SCAMP1: variants seen among roughly 807,000 people sequenced by gnomAD.
SCAMP1 encodes secretory carrier-associated membrane protein 1.
SCAMP1 carries 15 observed loss-of-function variants against 41.8 expected under a neutral mutation model. That is an observed-to-expected ratio of 0.36 (90% CI 0.24 to 0.55). SCAMP1 has a LOEUF of 0.55. SCAMP1 is among the 20% of genes least tolerant of loss of function. The pLI, the probability that SCAMP1 is intolerant of heterozygous loss-of-function variation, is 0.86. For synonymous variants in SCAMP1, 135 were observed against 136.8 expected (o/e 0.99, Z 0.09); for missense variants, 341 against 412.6 (o/e 0.83, Z 1.50).
At chr5:78,454,405 T>G (rs561462102) in intron 7 of SCAMP1, among the ~76,000 whole-genome samples, 6 of 152,252 alleles carry the variant, frequency 3.9e-5, no homozygotes, top group African/African-American at 1.4e-4. Context: ...GTTGTTGAAT[T>G]TTGTCAAAGG....
intron 6 of SCAMP1, among the ~76,000 whole-genome samples, chr5:78,442,676 G>T (rs1752955686): frequency 6.6e-6 from 1 of 152,160 alleles, no homozygotes; most frequent in African/African-American, 2.4e-5. Flanking sequence ...TTGTTCAAAG[G>T]TAATTTGAAA....
intron 2 of SCAMP1, among the ~76,000 whole-genome samples, chr5:78,404,485 A>G (rs1344900921): frequency 6.3e-5 from 7 of 110,804 alleles, no homozygotes; most frequent in African/African-American, 3.3e-4. Flanking sequence ...CTAGGCTGAC[A>G]TGATGTACTG....
At chr5:78,424,711 T>A (rs1172823541) in intron 6 of SCAMP1, among the ~76,000 whole-genome samples, 2 of 151,912 alleles carry the variant, frequency 1.3e-5, no homozygotes, top group African/African-American at 4.8e-5. Flanking sequence ...CAGAGTGAGA[T>A]CCTGCCTCAA....
intron 1 of SCAMP1, among the ~76,000 whole-genome samples, chr5:78,383,183 GATA>G (rs1305701701): frequency 6.6e-6 from 1 of 152,126 alleles, no homozygotes. Flanking sequence ...GCATTTCCCT[GATA>G]ATGAGTGATG....
At chr5:78,391,651 C>T (rs1444562656) in intron 2 of SCAMP1, among the ~76,000 whole-genome samples, 1 of 152,182 alleles carries the variant, frequency 6.6e-6, no homozygotes, top group Non-Finnish European at 1.5e-5. Context: ...GAGGCCAAGG[C>T]AGGCGGCTGG....
chr5:78,384,112 A>G (rs1366720640), intron 1 of SCAMP1, among the ~76,000 whole-genome samples: 1 of 148,750 alleles, frequency 6.7e-6, no homozygotes, highest in Admixed American at 6.7e-5. Context: ...TTCTTTCAGC[A>G]GTGTTCTGTA....
At chr5:78,396,927 G>C (rs1264834423) in intron 2 of SCAMP1, among the ~76,000 whole-genome samples, 1 of 152,152 alleles carries the variant, frequency 6.6e-6, no homozygotes, top group Non-Finnish European at 1.5e-5. Flanking sequence ...TTGAGTGTTG[G>C]GAGCAAATGC....
chr5:78,468,969 C>G (rs1176504915), intron 8 of SCAMP1, among the ~76,000 whole-genome samples: 2 of 152,134 alleles, frequency 1.3e-5, no homozygotes, highest in African/African-American at 4.8e-5. Flanking sequence ...TATGCATACT[C>G]AAGTCTTGGA....
chr5:78,362,752 GT>G (rs1253020934), intron 1 of SCAMP1, among the ~76,000 whole-genome samples: 2 of 151,880 alleles, frequency 1.3e-5, no homozygotes, highest in Non-Finnish European at 2.9e-5. Context: ...ACAAAGTATA[GT>G]TTTATATCTA....
At chr5:78,404,758 G>A (rs1299850299) in intron 2 of SCAMP1, among the ~76,000 whole-genome samples, 2 of 152,144 alleles carry the variant, frequency 1.3e-5, no homozygotes, top group Non-Finnish European at 2.9e-5. Flanking sequence ...CTGAGGGGAG[G>A]CCTTGTTAAG....
chr5:78,477,652 T>A lies in SCAMP1; in HGVS notation c.*1984T>A, dbSNP rs752697244. 6.6e-5 allele frequency: 10 copies of A among 152,178 alleles called. No individual in the cohort carries two copies. Among genetic ancestry groups the A allele is most frequent in the Non-Finnish European group, 1.5e-4 (10 of 67,980 alleles). 9.4% of individuals were successfully genotyped at this position (152,178 alleles called of 1,614,324 possible). A position where few individuals can be genotyped will look rare whatever the true frequency, so the allele number is the denominator to read the frequency against. On this transcript the variant is annotated 3_prime_UTR_variant, in exon 9 of 9. Coordinates refer to ENST00000621999, the MANE Select transcript of SCAMP1 (RefSeq NM_004866.6). ...TTGGAATGTTTATATTATGTAGAAA[T>A]CTTCAAAGGTAGCATTATTAAATAG...
chr5:78,360,962 T>G, intron 1 of SCAMP1: 1 of 519,850 alleles, frequency 1.9e-6, no homozygotes, highest in African/African-American at 2.0e-5. Context: ...CTTCCACACG[T>G]CCCCGACTGG....
At chr5:78,366,153 T>C (rs1331757179) in intron 1 of SCAMP1, among the ~76,000 whole-genome samples, 1 of 150,144 alleles carries the variant, frequency 6.7e-6, no homozygotes, top group East Asian at 1.9e-4. Context: ...TCTTTTCTTT[T>C]TTTTTTTTGA....
Position 78,449,082 on chromosome 5 carries a change from A to T in SCAMP1, c.633-851A>T, listed in dbSNP as rs1418472299. On this transcript the variant is annotated intron_variant, in intron 6 of 8. Coordinates refer to ENST00000621999, the MANE Select transcript of SCAMP1 (RefSeq NM_004866.6). ...GGCAGTTTCTTAAAAAGTTAAACGT[A>T]TACCTATGATATGTTCCAGCCTTCC... 2.6e-5 allele frequency among the ~76,000 whole-genome samples: 4 copies of T among 152,070 alleles called. No individual in the cohort carries two copies. The East Asian group carries it at 7.7e-4, about 29-fold the overall frequency.
chr5:78,449,720 C>T (rs1023132160), intron 6 of SCAMP1, among the ~76,000 whole-genome samples: 1 of 151,962 alleles, frequency 6.6e-6, no homozygotes, highest in Admixed American at 6.6e-5. Context: ...GTTAGAATAA[C>T]GATATCTAGT....
intron 8 of SCAMP1, among the ~76,000 whole-genome samples, chr5:78,469,910 AAACAAAAAAAAAAAAAAAAAAACAAC>A (rs1433357136): frequency 0.014 from 622 of 43,610 alleles, 19 homozygotes; most frequent in African/African-American, 0.076. Flanking sequence ...AAAAAAAAAA[AAACAAAAAAAAAAAAAAAAAAACAAC>A]AACACAGCCC....
At chr5:78,385,049 T>C (rs10059940) in intron 1 of SCAMP1, among the ~76,000 whole-genome samples, 28,430 of 152,216 alleles carry the variant, frequency 0.19, 3,284 homozygotes, top group Admixed American at 0.35. Flanking sequence ...GAATGTCTGA[T>C]GGAATTCAGC....
At chr5:78,380,536 TATGA>T (rs1751178284) in intron 1 of SCAMP1, among the ~76,000 whole-genome samples, 1 of 152,240 alleles carries the variant, frequency 6.6e-6, no homozygotes, top group Admixed American at 6.5e-5. Context: ...GTGTTTCTTT[TATGA>T]ATGAGATTAA....
At chr5:78,460,399 G>C (rs1057132303) in intron 8 of SCAMP1, among the ~76,000 whole-genome samples, 5 of 152,114 alleles carry the variant, frequency 3.3e-5, no homozygotes, top group Non-Finnish European at 7.4e-5. Flanking sequence ...CATTTTCTCT[G>C]CATCCTTGCC....
Sources: gnomAD v4.1 joint callset for allele counts (sites outside exome capture counted in the v4.1 genomes callset) on GRCh38, gnomAD v4.1.1 for gene constraint, MANE v1.5 for transcripts, NCBI Gene and HGNC (gene_info 2026-07-23, HGNC 2026-07-21) for gene names.